SNX29: variants seen among roughly 807,000 people sequenced by gnomAD.
SNX29 encodes sorting nexin-29.
SNX29 carries 78 observed loss-of-function variants against 102.1 expected under a neutral mutation model. The ratio of observed to expected loss-of-function variants is 0.76; its 90% CI spans 0.64 to 0.92. SNX29 has a LOEUF of 0.92. Ranked by LOEUF, SNX29 falls within the 40% of genes least tolerant of loss-of-function variation. The pLI is 0.00. For missense variants in SNX29, 1,280 were observed against 1,061.7 expected, an observed-to-expected ratio of 1.21 and a Z score of -2.86; for synonymous variants, 580 against 414.5, an observed-to-expected ratio of 1.40 and a Z score of -4.85.
At chr16:12,305,515 T>C (rs561893219) in intron 15 of SNX29, among the ~76,000 whole-genome samples, 23 of 152,158 alleles carry the variant, frequency 1.5e-4, no homozygotes, top group Non-Finnish European at 2.6e-4. Flanking sequence ...TGTGGAGCCA[T>C]AGGCCAGAGG....
At chr16:12,188,458 G>A (rs1281516598) in intron 13 of SNX29, among the ~76,000 whole-genome samples, 4 of 152,202 alleles carry the variant, frequency 2.6e-5, no homozygotes, top group African/African-American at 4.8e-5. Flanking sequence ...GCTTATGTAA[G>A]TTTTGAGTGA....
intron 18 of SNX29, among the ~76,000 whole-genome samples, chr16:12,457,509 C>T (rs1419209509): frequency 2.0e-5 from 3 of 152,182 alleles, no homozygotes; most frequent in African/African-American, 4.8e-5. Flanking sequence ...AGAGCCTGAG[C>T]TCTTTCTCTA....
chr16:12,375,854 A>G (rs2082853215), intron 16 of SNX29: 1 of 152,070 alleles, frequency 6.6e-6, no homozygotes, highest in Admixed American at 6.6e-5. Flanking sequence ...CAACATGGTG[A>G]AGCCCCATCT....
intron 1 of SNX29, among the ~76,000 whole-genome samples, chr16:11,979,216 A>G (rs1445332847): frequency 7.6e-6 from 1 of 131,492 alleles, no homozygotes; most frequent in African/African-American, 2.9e-5. Flanking sequence ...TGGACATTGC[A>G]GTGAGCGGTG....
intron 6 of SNX29, among the ~76,000 whole-genome samples, chr16:12,047,622 A>G (rs952834993): frequency 6.6e-6 from 1 of 150,492 alleles, no homozygotes; most frequent in Non-Finnish European, 1.5e-5. Flanking sequence ...ACTGGAGTAC[A>G]GGGAGATGCT....
At chr16:12,371,007 G>A (rs768042529) in intron 16 of SNX29, among the ~76,000 whole-genome samples, 89 of 152,346 alleles carry the variant, frequency 5.8e-4, no homozygotes, top group Middle Eastern at 6.8e-3. Flanking sequence ...TTGGGCCACA[G>A]CTTTCTTGCC....
intron 18 of SNX29, among the ~76,000 whole-genome samples, chr16:12,436,578 C>T (rs1297516233): frequency 2.6e-5 from 4 of 152,234 alleles, no homozygotes; most frequent in South Asian, 2.1e-4. Context: ...TCTCTGAGCT[C>T]CCCTGGTGCC....
At chr16:12,022,975 C>T (rs558356899) in intron 3 of SNX29, among the ~76,000 whole-genome samples, 5 of 149,976 alleles carry the variant, frequency 3.3e-5, no homozygotes, top group Non-Finnish European at 7.4e-5. Flanking sequence ...CAGCTCACTG[C>T]AACCTATGCC....
chr16:12,495,935 C>A (rs2088799874), intron 19 of SNX29, among the ~76,000 whole-genome samples: 1 of 152,176 alleles, frequency 6.6e-6, no homozygotes, highest in African/African-American at 2.4e-5. Flanking sequence ...TGCCTGTAAT[C>A]CCAGCTGGAG....
intron 1 of SNX29, chr16:11,983,554 C>A: frequency 3.2e-6 from 2 of 626,684 alleles, no homozygotes; most frequent in Non-Finnish European, 4.0e-6. Context: ...ACATTTTTTC[C>A]CCCTTGTGAA....
intron 13 of SNX29, among the ~76,000 whole-genome samples, chr16:12,169,793 CG>C (rs2076103084): frequency 6.6e-6 from 1 of 151,872 alleles, no homozygotes; most frequent in South Asian, 2.1e-4. Context: ...ACCCCAGAGG[CG>C]GAGGTTGCAG....
intron 13 of SNX29, chr16:12,135,674 C>T (rs1035121932): frequency 8.1e-7 from 1 of 1,242,112 alleles, no homozygotes; most frequent in Non-Finnish European, 1.1e-6. Flanking sequence ...CCAGTCTTTC[C>T]TGAAGCTGTG....
chr16:12,011,379 G>T (rs992240040), intron 3 of SNX29, among the ~76,000 whole-genome samples: 1 of 151,554 alleles, frequency 6.6e-6, no homozygotes, highest in Non-Finnish European at 1.5e-5. Flanking sequence ...AGGTTCTAGC[G>T]ATTCTTGTGC....
intron 15 of SNX29, among the ~76,000 whole-genome samples, chr16:12,310,049 T>G (rs2080478494): frequency 6.6e-6 from 1 of 152,094 alleles, no homozygotes; most frequent in East Asian, 1.9e-4. Flanking sequence ...CACACATATG[T>G]ACACACACGC....
chr16:12,429,699 C>T (rs1025441464), intron 18 of SNX29, among the ~76,000 whole-genome samples: 2 of 152,190 alleles, frequency 1.3e-5, no homozygotes, highest in African/African-American at 4.8e-5. Context: ...GTTCCTTTTG[C>T]TCAACATTTA....
intron 15 of SNX29, among the ~76,000 whole-genome samples, chr16:12,336,057 TAAATC>T (rs2081439414): frequency 6.6e-6 from 1 of 152,088 alleles, no homozygotes; most frequent in South Asian, 2.1e-4. Flanking sequence ...AAACCCTTAT[TAAATC>T]AAAGAAGAAG....
At chr16:12,542,576 C>T (rs1182898624) in intron 20 of SNX29, among the ~76,000 whole-genome samples, 3 of 152,196 alleles carry the variant, frequency 2.0e-5, no homozygotes, top group Non-Finnish European at 4.4e-5. Flanking sequence ...AAGTGATCCA[C>T]CCGCCTCAGC....
At chr16:12,516,980 TA>T (rs1357999041) in intron 19 of SNX29, among the ~76,000 whole-genome samples, 1 of 152,190 alleles carries the variant, frequency 6.6e-6, no homozygotes, top group Non-Finnish European at 1.5e-5. Context: ...AAGCTCAAAA[TA>T]AAATTAACCT....
At chr16:12,078,941 C>T (rs1340963351) in intron 11 of SNX29, 26 bp downstream of exon 11, 1 of 1,568,902 alleles carries the variant, frequency 6.4e-7, no homozygotes, top group Admixed American at 1.9e-5. Context: ...GCCCCCTCCA[C>T]CAGCTCTGGG....
Sources: allele counts gnomAD v4.1 joint callset (sites outside exome capture counted in the v4.1 genomes callset), GRCh38; gene constraint gnomAD v4.1.1; transcripts MANE v1.5; gene names NCBI Gene and HGNC (gene_info 2026-07-23, HGNC 2026-07-21).